The following CCDC158 variants were observed in gnomAD, a reference collection of about 807,000 sequenced individuals.
CCDC158 encodes coiled-coil domain-containing protein 158.
Under a neutral mutation model 138.6 loss-of-function variants are expected in CCDC158, and 116 were observed. The observed-to-expected ratio is 0.84, with a 90% CI of 0.72 to 0.98. CCDC158 has a LOEUF of 0.98. Ranked by LOEUF, CCDC158 falls within the 50% of genes least tolerant of loss-of-function variation. CCDC158 has a pLI of 0.00. For missense variants in CCDC158, 1,265 were observed against 1,306.1 expected (o/e 0.97, Z 0.48); for synonymous variants, 436 against 442.4 (o/e 0.99, Z 0.18).
At chr4:76,363,170 G>C (rs1001132493) in intron 12 of CCDC158, among the ~76,000 whole-genome samples, 1 of 152,182 alleles carries the variant, frequency 6.6e-6, no homozygotes, top group Admixed American at 6.5e-5. Context: ...ATACCTGCCA[G>C]GTAGAGGGGC....
Position 76,355,323 on chromosome 4 carries a change from C to A in CCDC158, c.2286+1G>T. ...TCCCCACTCTGAGGACAGCAACCCA[C>A]CTTATTTGCATTTGTCATTGCCTCT... On this transcript the variant is annotated splice_donor_variant, in intron 15 of 24. Transcript: ENST00000682701. LOFTEE classifies it high-confidence loss of function. The A allele has an allele frequency of 1.2e-6, 2 of 1,601,034 alleles. No individual in the cohort carries two copies. Among genetic ancestry groups the A allele is most frequent in the Non-Finnish European group, 1.7e-6 (2 of 1,168,130 alleles).
At chr4:76,354,912 T>G (rs2110186950) in intron 15 of CCDC158, among the ~76,000 whole-genome samples, 1 of 152,354 alleles carries the variant, frequency 6.6e-6, no homozygotes, top group East Asian at 1.9e-4. Flanking sequence ...AAACTGCTAT[T>G]GTTTTTATTA....
intron 18 of CCDC158, among the ~76,000 whole-genome samples, chr4:76,342,441 C>A (rs920248905): frequency 1.3e-5 from 2 of 152,154 alleles, no homozygotes; most frequent in Non-Finnish European, 2.9e-5. Flanking sequence ...GCACTTACCT[C>A]ATGTTAAGTA....
intron 18 of CCDC158, among the ~76,000 whole-genome samples, chr4:76,339,973 G>T (rs1406928818): frequency 1.3e-5 from 2 of 152,172 alleles, no homozygotes; most frequent in Non-Finnish European, 2.9e-5. Context: ...ACTGACCAGA[G>T]TTTTTGGGTT....
At chr4:76,382,385 A>G (rs12644178) in intron 8 of CCDC158, among the ~76,000 whole-genome samples, 1 of 152,184 alleles carries the variant, frequency 6.6e-6, no homozygotes, top group Admixed American at 6.5e-5. Context: ...AATACTTAAA[A>G]CAGCCAATCC....
chr4:76,393,169 G>A (rs1351660385), intron 4 of CCDC158, among the ~76,000 whole-genome samples: 1 of 151,772 alleles, frequency 6.6e-6, no homozygotes, highest in Non-Finnish European at 1.5e-5. Context: ...GACACAGAAT[G>A]GCCAAAGCTA....
chr4:76,391,139 G>T (rs1430320232), intron 4 of CCDC158, among the ~76,000 whole-genome samples: 1 of 151,898 alleles, frequency 6.6e-6, no homozygotes, highest in Non-Finnish European at 1.5e-5. Flanking sequence ...GGAGCCAATA[G>T]ATATTTACAG....
At chr4:76,333,766 A>C (rs1221783804) in intron 19 of CCDC158, among the ~76,000 whole-genome samples, 1 of 152,206 alleles carries the variant, frequency 6.6e-6, no homozygotes, top group Non-Finnish European at 1.5e-5. Context: ...ATTTACAAAC[A>C]TAACTTTGGG....
chr4:76,313,101 G>T lies in CCDC158; in HGVS notation c.*69C>A. On this transcript the variant is annotated 3_prime_UTR_variant, in exon 25 of 25. Coordinates refer to ENST00000682701, the MANE Select transcript of CCDC158 (RefSeq NM_001394954.1). ...CACATAAAAAGAAAAAGTACACAGG[G>T]CACTAATTACGAGTAACACCACAAT... 1.1e-6 allele frequency: 1 copy of T among 896,910 alleles called. No individual in the cohort carries two copies. Among genetic ancestry groups the T allele is most frequent in the South Asian group, 1.7e-5 (1 of 59,148 alleles). The allele number at this position is 896,910 out of a possible 1,614,324, so 55.6% of individuals were successfully genotyped here.
intron 3 of CCDC158, chr4:76,402,272 G>C (rs1728463189): frequency 6.6e-6 from 1 of 152,272 alleles, no homozygotes; most frequent in South Asian, 2.1e-4. Context: ...GAGTGTTGTA[G>C]GTTCCCTTTC....
chr4:76,356,520 G>C (rs1289869105), intron 14 of CCDC158: 2 of 152,152 alleles, frequency 1.3e-5, no homozygotes, highest in African/African-American at 4.8e-5. Flanking sequence ...TGTCTGGGGA[G>C]CAGGGGCAGC....
At chr4:76,360,932 G>A (rs576421222) in intron 13 of CCDC158, among the ~76,000 whole-genome samples, 6 of 152,296 alleles carry the variant, frequency 3.9e-5, no homozygotes, top group East Asian at 1.9e-4. Context: ...AGAATGATAT[G>A]GTTTGGCTCA....
chr4:76,316,394 A>C (rs1181066546), intron 24 of CCDC158, among the ~76,000 whole-genome samples: 1 of 152,202 alleles, frequency 6.6e-6, no homozygotes, highest in African/African-American at 2.4e-5. Context: ...AAATTAGCCC[A>C]ATCAGACAAA....
At chr4:76,346,164 G>A (rs1254517205) in intron 18 of CCDC158, among the ~76,000 whole-genome samples, 1 of 152,156 alleles carries the variant, frequency 6.6e-6, no homozygotes, top group East Asian at 1.9e-4. Flanking sequence ...TTAATAAATG[G>A]TGTTGGGAAA....
At chr4:76,348,143 T>C (rs1164416064) in intron 18 of CCDC158, among the ~76,000 whole-genome samples, 1 of 151,652 alleles carries the variant, frequency 6.6e-6, no homozygotes, top group Non-Finnish European at 1.5e-5. Context: ...AGGGCACTAA[T>C]GCCGGGCGCG....
At chr4:76,408,387 T>C (rs943734908) in intron 2 of CCDC158, among the ~76,000 whole-genome samples, 2 of 151,812 alleles carry the variant, frequency 1.3e-5, no homozygotes, top group Admixed American at 6.6e-5. Context: ...CTTCCTGTGT[T>C]CATGTGTTCT....
chr4:76,384,701 G>A, intron 4 of CCDC158, 36 bp from the exon 5 acceptor site: 1 of 1,405,820 alleles, frequency 7.1e-7, no homozygotes, highest in Non-Finnish European at 1.0e-6. Flanking sequence ...ATCTTCATTA[G>A]AGAAACACAT....
At chr4:76,383,296 C>A (rs971916604) in intron 7 of CCDC158, among the ~76,000 whole-genome samples, 1 of 152,156 alleles carries the variant, frequency 6.6e-6, no homozygotes, top group Non-Finnish European at 1.5e-5. Flanking sequence ...TATCTAAGCC[C>A]TTGGCCTGCA....
At chr4:76,375,484 T>C (rs1346624107) in intron 9 of CCDC158, 1 of 676,174 alleles carries the variant, frequency 1.5e-6, no homozygotes, top group East Asian at 2.7e-5. Context: ...AGAATCTTCC[T>C]GCACAGTATA....
Sources: allele counts gnomAD v4.1 joint callset (sites outside exome capture counted in the v4.1 genomes callset), GRCh38; gene constraint gnomAD v4.1.1; transcripts MANE v1.5; gene names NCBI Gene and HGNC (gene_info 2026-07-23, HGNC 2026-07-21).